The following MAPK8IP3 variants were observed in gnomAD, a reference collection of about 807,000 sequenced individuals.
MAPK8IP3 encodes mitogen-activated protein kinase 8 interacting protein 3, also known as C-Jun-amino-terminal kinase-interacting protein 3.
Under a neutral mutation model 157.8 loss-of-function variants are expected in MAPK8IP3, and 49 were observed. The ratio of observed to expected loss-of-function variants is 0.31; its 90% CI spans 0.25 to 0.39. The LOEUF (loss-of-function observed/expected upper bound fraction) is 0.39. MAPK8IP3 is among the 10% of genes least tolerant of loss of function. MAPK8IP3 has a pLI of 1.00. For synonymous variants in MAPK8IP3, 897 were observed against 777.7 expected (o/e 1.15, Z -2.55); for missense variants, 1,478 against 1,889.4 (o/e 0.78, Z 4.04).
At chr16:1,738,298 ATC>A (rs528626702) in intron 4 of MAPK8IP3, among the ~76,000 whole-genome samples, 47 of 58,022 alleles carry the variant, frequency 8.1e-4, no homozygotes, top group Middle Eastern at 0.013. Context: ...CCATGTGAGC[ATC>A]TGTGTGACCG....
At chr16:1,765,897 C>T (rs1232735060) in intron 20 of MAPK8IP3, 63 bp from the exon 21 acceptor site, 45 of 1,462,062 alleles carry the variant, frequency 3.1e-5, no homozygotes, top group Non-Finnish European at 4.1e-5. Context: ...TGTGTAAGTG[C>T]TGGGCACGCC....
At chr16:1,729,458 C>T (rs1334202619) in intron 3 of MAPK8IP3, 29 bp from the exon 4 acceptor site, 6 of 1,592,610 alleles carry the variant, frequency 3.8e-6, no homozygotes, top group Admixed American at 1.7e-5. Context: ...CCCACGGCAG[C>T]GCTAATGCAG....
rs562830330 is a variant in MAPK8IP3 at position 1,721,926 on chromosome 16, C to G, written c.319-2631C>G. Among the ~76,000 whole-genome samples, 6 of 152,042 alleles carry G rather than the reference C, an allele frequency of 3.9e-5. No homozygotes were observed. In the East Asian group the frequency reaches 1.2e-3, roughly 29 times the overall value. ...CTGGGACTACAGGCGCCCGCCACCA[C>G]GCCCAGCTAATTTTTTTTATTTTTA... On this transcript the variant is annotated intron_variant, in intron 1 of 31. Transcript: ENST00000610761.
Position 1,763,644 on chromosome 16 carries a change from T to G in MAPK8IP3, c.1899-13T>G. The G allele has an allele frequency of 6.5e-7, 1 of 1,550,024 alleles. No homozygotes were observed. The highest frequency in any genetic ancestry group is 8.7e-7 in the Non-Finnish European group (1 of 1,143,862). ...CCCTGGACAGAGACATCACCCATCA[T>G]TCTTCCACTCAGCGACTGCACGTCC... On this transcript the variant is annotated splice_polypyrimidine_tract_variant and intron_variant, in intron 16 of 31. Coordinates refer to ENST00000610761, the MANE Select transcript of MAPK8IP3 (RefSeq NM_001318852.2).
rs1264475785 is a variant in MAPK8IP3 at position 1,761,210 on chromosome 16, T to C, written c.1458-14T>C. 6.2e-7 allele frequency: 1 copy of C among 1,611,748 alleles called. No individual in the cohort carries two copies. On this transcript the variant is annotated splice_polypyrimidine_tract_variant and intron_variant, in intron 12 of 31. Coordinates refer to ENST00000610761, the MANE Select transcript of MAPK8IP3 (RefSeq NM_001318852.2). ...GAGGCCCTCACCCTCCCTGCCTCCT[T>C]CCCCTTCCCACAGAGTGAAGTCCGA...
chr16:1,740,117 CGT>C (rs1319566275), intron 4 of MAPK8IP3, among the ~76,000 whole-genome samples: 2 of 111,292 alleles, frequency 1.8e-5, no homozygotes, highest in Non-Finnish European at 3.5e-5. Context: ...TGTGACCGTC[CGT>C]GTGAGCGTGT....
rs185930912 is a variant in MAPK8IP3 at position 1,767,830 on chromosome 16, C to T, written c.3435C>T (p.Phe1145=). 8.2e-4 allele frequency: 1,317 copies of T among 1,611,380 alleles called. 9 individuals are homozygous for T. Among genetic ancestry groups the T allele is most frequent in the Non-Finnish European group, 1.0e-4 (120 of 1,179,918 alleles). Residue 1145 remains phenylalanine (F), a synonymous_variant, in exon 28 of 32, where the codon TTC becomes TTT. Transcript: ENST00000610761. ...MLGTGKLGFS[F]VRITALLVAG... ...GCACTGGCAAGCTGGGTTTCTCCTT[C>T]GTACGCATCACGGCCCTGCTTGTCG...
At chr16:1,765,907 C>T (rs753535058) in intron 20 of MAPK8IP3, 53 bp from the exon 21 acceptor site, 22 of 1,520,022 alleles carry the variant, frequency 1.4e-5, no homozygotes, top group African/African-American at 4.1e-5. Context: ...CTGGGCACGC[C>T]CTTGCAGTAG....
rs781184193 is a variant in MAPK8IP3 at position 1,762,708 on chromosome 16, G to A, written c.1704G>A (p.Lys568=). 4 of 1,572,328 alleles carry A rather than the reference G, an allele frequency of 2.5e-6. No homozygotes were observed. Among genetic ancestry groups the A allele is most frequent in the East Asian group, 2.3e-5 (1 of 44,430 alleles). ...GAGAGCACCCATCCGTCCAGGAGAA[G>A]AAGAAGTCGACCATCTGGCAGTTGT... ...ASREHPSVQE[K]KKSTIWQFFS... Residue 568 remains lysine, a synonymous_variant, in exon 15 of 32, where the codon AAG becomes AAA. Transcript: ENST00000610761.
chr16:1,740,929 G>A (rs944700563), intron 4 of MAPK8IP3, among the ~76,000 whole-genome samples: 4 of 152,236 alleles, frequency 2.6e-5, no homozygotes, highest in African/African-American at 4.8e-5. Context: ...CCATGCAGCT[G>A]GGCAGCGCCG....
chr16:1,719,639 CT>C (rs1440340028), intron 1 of MAPK8IP3, among the ~76,000 whole-genome samples: 5 of 134,100 alleles, frequency 3.7e-5, no homozygotes, highest in Admixed American at 3.2e-4. Flanking sequence ...TGAGATCAGC[CT>C]GGGTAACATA....
intron 25 of MAPK8IP3, 59 bp from the exon 26 acceptor site, chr16:1,767,090 T>C: frequency 6.3e-7 from 1 of 1,598,908 alleles, no homozygotes; most frequent in Non-Finnish European, 8.5e-7. Flanking sequence ...CTCAACCCGA[T>C]GCCCTGAGCA....
At chr16:1,730,835 T>C (rs1596601129) in intron 4 of MAPK8IP3, among the ~76,000 whole-genome samples, 1 of 126,844 alleles carries the variant, frequency 7.9e-6, no homozygotes, top group Admixed American at 8.1e-5. Flanking sequence ...AGAGTGAGAC[T>C]CTGTCAAAAA....
At chr16:1,745,197 C>A (rs1158253366) in intron 5 of MAPK8IP3, 6 of 985,096 alleles carry the variant, frequency 6.1e-6, no homozygotes, top group Non-Finnish European at 7.2e-6. Context: ...TGCAGAATTC[C>A]CCGCAGCCAC....
chr16:1,739,586 G>T (rs1245498487), intron 4 of MAPK8IP3, among the ~76,000 whole-genome samples: 1 of 114,666 alleles, frequency 8.7e-6, no homozygotes, highest in African/African-American at 3.5e-5. Flanking sequence ...GTGACCGTCC[G>T]TGTGTGACCG....
chr16:1,719,188 C>T (rs935984763), intron 1 of MAPK8IP3, among the ~76,000 whole-genome samples: 10 of 151,876 alleles, frequency 6.6e-5, no homozygotes, highest in African/African-American at 1.7e-4. Context: ...AGGCTGGGCT[C>T]GAACTCTTGG....
chr16:1,721,588 A>G (rs1007545907), intron 1 of MAPK8IP3, among the ~76,000 whole-genome samples: 15 of 152,072 alleles, frequency 9.9e-5, no homozygotes, highest in African/African-American at 3.1e-4. Context: ...CTCCCAGCTC[A>G]CTGGAACTAC....
Position 1,767,154 on chromosome 16 carries a change from C to A in MAPK8IP3, c.3094C>A (p.Gln1032Lys). The part of the protein sequence containing the change: ...LAIFHRGEDG[Q>K]WDLSNYHLMD... ...GTGTCCGGGGCTCCCTCCAGATGGC[C>A]AGTGGGATCTGAGCAACTATCACCT... is the stretch of plus-strand genomic sequence containing the variant. The change falls in exon 26 of 32, where the codon CAG becomes AAG. Residue 1032 changes from glutamine (Q) to lysine (K), a missense_variant. This residue lies in a region of MAPK8IP3 where 669 missense variants were observed against 759.8 expected (regional missense o/e 0.88). Transcript: ENST00000610761. 1 of 1,613,108 alleles carries A rather than the reference C, an allele frequency of 6.2e-7. No homozygotes were observed. Among genetic ancestry groups the A allele is most frequent in the Non-Finnish European group, 8.5e-7 (1 of 1,179,962 alleles).
In MAPK8IP3 at chr16:1,741,891, A is replaced by G. The variant is rs988153975; in HGVS notation, c.603-1441A>G. 1.3e-5 allele frequency among the ~76,000 whole-genome samples: 2 copies of G among 152,092 alleles called. 1 individual carries two copies. Among genetic ancestry groups the G allele is most frequent in the African/African-American group, 4.8e-5 (2 of 41,412 alleles). ...CAGTCCCCAGAGCTGTATGCACCCCACAAAGAGACCCCTTCCCAGGGTCAT... is the reference window on the plus strand; with the variant it reads ...CAGTCCCCAGAGCTGTATGCACCCCGCAAAGAGACCCCTTCCCAGGGTCAT... On this transcript the variant is annotated intron_variant, in intron 4 of 31. Transcript: ENST00000610761. The surrounding 1 kb of genome is among the most constrained non-coding windows in gnomAD (Gnocchi z 6.9).
Sources: allele counts gnomAD v4.1 joint callset (sites outside exome capture counted in the v4.1 genomes callset), GRCh38; gene constraint gnomAD v4.1.1; regional missense constraint gnomAD v4.1.1; non-coding constraint Gnocchi (gnomAD v3.1); transcripts MANE v1.5; gene names NCBI Gene and HGNC (gene_info 2026-07-23, HGNC 2026-07-21).